Variants in SMG7 observed in about 807,000 individuals in gnomAD.
SMG7 encodes SMG7 nonsense mediated mRNA decay factor, also known as nonsense-mediated mRNA decay factor SMG7.
A neutral mutation model predicts 148.2 loss-of-function variants in SMG7; 34 were observed. The ratio of observed to expected loss-of-function variants is 0.23; its 90% CI spans 0.17 to 0.31. The LOEUF is 0.31. Ranked by LOEUF, SMG7 falls within the 10% of genes least tolerant of loss-of-function variation. The pLI is 1.00. For synonymous variants in SMG7, 492 were observed against 515.1 expected, an observed-to-expected ratio of 0.96 and a Z score of 0.61; for missense variants, 1,114 against 1,408.4, an observed-to-expected ratio of 0.79 and a Z score of 3.35.
chr1:183,488,682 C>CTT (rs55662555), intron 1 of SMG7, among the ~76,000 whole-genome samples: 1,178 of 75,068 alleles, frequency 0.016, 5 homozygotes, highest in Non-Finnish European at 0.019. Context: ...GTTTATAAGG[C>CTT]TTTTTTTTTT....
At chr1:183,522,746 T>C (rs1241904255) in intron 4 of SMG7, among the ~76,000 whole-genome samples, 1 of 151,950 alleles carries the variant, frequency 6.6e-6, no homozygotes, top group South Asian at 2.1e-4. Flanking sequence ...TTATCCACAG[T>C]AACATTTTCT....
intron 1 of SMG7, among the ~76,000 whole-genome samples, chr1:183,494,006 G>A (rs1657745689): frequency 6.6e-6 from 1 of 151,816 alleles, no homozygotes; most frequent in East Asian, 1.9e-4. Flanking sequence ...TTGCTTGTTT[G>A]AAACAGGGTC....
chr1:183,496,543 G>A lies in SMG7; in HGVS notation c.30-16294G>A, dbSNP rs72731465. On this transcript the variant is annotated intron_variant, in intron 1 of 22. Coordinates refer to ENST00000688051, the MANE Select transcript of SMG7 (RefSeq NM_001375584.1). ...AGTGACTTCCACATTACTAAATCCAGTGATTAGTTCTCAGGCCTCATTTTA... is the reference window on the plus strand; with the variant it reads ...AGTGACTTCCACATTACTAAATCCAATGATTAGTTCTCAGGCCTCATTTTA... 5.9e-3 allele frequency among the ~76,000 whole-genome samples: 893 copies of A among 152,208 alleles called. 6 individuals carry two copies. Among genetic ancestry groups the A allele is most frequent in the Middle Eastern group, 0.024 (7 of 294 alleles).
At chr1:183,526,800 G>T in intron 5 of SMG7, 33 bp downstream of exon 5, 1 of 1,562,878 alleles carries the variant, frequency 6.4e-7, no homozygotes, top group Non-Finnish European at 8.7e-7. Context: ...TTGATAATAT[G>T]TTCCTCCTTT....
chr1:183,478,773 A>G (rs1345312545), intron 1 of SMG7, among the ~76,000 whole-genome samples: 1 of 152,174 alleles, frequency 6.6e-6, no homozygotes, highest in Non-Finnish European at 1.5e-5. Flanking sequence ...AGTGTCATGA[A>G]TGAGTGCCTG....
intron 4 of SMG7, among the ~76,000 whole-genome samples, chr1:183,518,413 G>T (rs371645744): frequency 6.6e-6 from 1 of 152,284 alleles, no homozygotes; most frequent in African/African-American, 2.4e-5. Flanking sequence ...GTTACAAGTG[G>T]TATTAGAGGA....
At chr1:183,541,196 T>C in intron 13 of SMG7, 93 bp downstream of exon 13, 2 of 1,124,682 alleles carry the variant, frequency 1.8e-6, no homozygotes, top group South Asian at 1.4e-5. Context: ...ACATCTCATA[T>C]GTTACGTATT....
intron 1 of SMG7, among the ~76,000 whole-genome samples, chr1:183,498,263 G>T (rs1395580547): frequency 6.6e-6 from 1 of 152,130 alleles, no homozygotes; most frequent in Admixed American, 6.5e-5. Context: ...GAGTGCAGTG[G>T]CTCATACCTG....
At position 183,512,703 on chromosome 1, in the gene SMG7, G is replaced by C. The variant is rs1350408406; in HGVS notation, c.30-134G>C. On this transcript the variant is annotated intron_variant, in intron 1 of 22. Transcript: ENST00000688051. ...TTAAAGTAGGGATGCTGTTTGCAGTGCCACAAATATAGCTGCTGTATATCC... is the reference window on the plus strand; with the variant it reads ...TTAAAGTAGGGATGCTGTTTGCAGTCCCACAAATATAGCTGCTGTATATCC... The C allele has an allele frequency of 4.9e-6, 4 of 815,550 alleles. No homozygotes were observed. The African/African-American group carries it at 7.1e-5, about 15-fold the overall frequency. The allele number at this position is 815,550 out of a possible 1,614,324, so 50.5% of individuals were successfully genotyped here. A position where few individuals can be genotyped will look rare whatever the true frequency, so the allele number is the denominator to read the frequency against.
intron 1 of SMG7, among the ~76,000 whole-genome samples, chr1:183,509,131 AT>A (rs929302144): frequency 6.6e-6 from 1 of 152,196 alleles, no homozygotes; most frequent in African/African-American, 2.4e-5. Context: ...CAACATGGAA[AT>A]GAATGTGTGT....
In SMG7 at chr1:183,528,137, T is replaced by C. The variant is rs113765491; in HGVS notation, c.556+110T>C. ...AGTTTTATGAAAGCAATAAATGAGTTTTGTTATTGTCATGTTTTTCCATTT... is the reference window on the plus strand; with the variant it reads ...AGTTTTATGAAAGCAATAAATGAGTCTTGTTATTGTCATGTTTTTCCATTT... On this transcript the variant is annotated intron_variant, in intron 6 of 22. Coordinates refer to ENST00000688051, the MANE Select transcript of SMG7 (RefSeq NM_001375584.1). 1.1e-5 allele frequency: 7 copies of C among 653,286 alleles called. No homozygotes were observed. In the African/African-American group the frequency reaches 1.1e-4, roughly 10 times the overall value. The allele number at this position is 653,286 out of a possible 1,614,324, so 40.5% of individuals were successfully genotyped here.
chr1:183,498,437 G>A (rs12405633), intron 1 of SMG7, among the ~76,000 whole-genome samples: 24,378 of 152,042 alleles, frequency 0.16, 2,256 homozygotes, highest in African/African-American at 0.27. Context: ...GCTAAAGAAG[G>A]AGCCTAGGAG....
chr1:183,477,647 C>T (rs1162575160), intron 1 of SMG7, among the ~76,000 whole-genome samples: 40 of 60,144 alleles, frequency 6.7e-4, no homozygotes, highest in Middle Eastern at 0.016. Flanking sequence ...TGCATATATA[C>T]GTGTGTGCAT....
Position 183,549,803 on chromosome 1 carries a change from G to A in SMG7, c.3013G>A (p.Gly1005Arg). 6.2e-7 allele frequency: 1 copy of A among 1,613,758 alleles called. No homozygotes were observed. Among genetic ancestry groups the A allele is most frequent in the Admixed American group, 1.7e-5 (1 of 60,012 alleles). The change falls in exon 20 of 23, where the codon GGG becomes AGG. Residue 1005 changes from glycine to arginine, a missense_variant. Gly to Arg is a moderately radical substitution (Grantham distance 125). Transcript: ENST00000688051. Reference sequence around the variant, plus strand: ...TAATAGTATGTTCAATGAGGTATATGGGAAAAACCTGACATCCAGCTCCAA... The same window carrying A: ...TAATAGTATGTTCAATGAGGTATATAGGAAAAACCTGACATCCAGCTCCAA... ...PNNSMFNEVY[G>R]KNLTSSSKAE...
At chr1:183,475,864 T>C (rs1432767775) in intron 1 of SMG7, among the ~76,000 whole-genome samples, 1 of 151,616 alleles carries the variant, frequency 6.6e-6, no homozygotes, top group Non-Finnish European at 1.5e-5. Context: ...TGAACTTAGT[T>C]CTTTGAAGAA....
In SMG7 at chr1:183,537,126, CTCTT is replaced by C. The variant is rs1025183112; in HGVS notation, c.1164-13_1164-10del. On this transcript the variant is annotated splice_polypyrimidine_tract_variant and intron_variant, in intron 10 of 22. Transcript: ENST00000688051. ...CTCTTACATAAAAATAAAGTCTGAA[CTCTT>C]TCTTTAATTTACAGCATTTGGCCCT... is the stretch of plus-strand genomic sequence containing the variant. 4.4e-6 allele frequency: 7 copies of C among 1,588,938 alleles called. No homozygotes were observed. Among genetic ancestry groups the C allele is most frequent in the Non-Finnish European group, 6.0e-6 (7 of 1,157,414 alleles).
chr1:183,520,728 T>C (rs879853319), intron 4 of SMG7, among the ~76,000 whole-genome samples: 3 of 152,230 alleles, frequency 2.0e-5, no homozygotes, highest in Non-Finnish European at 4.4e-5. Flanking sequence ...ACATGTGATA[T>C]ATTCCCAAGG....
At chr1:183,480,255 C>T (rs1285665832) in intron 1 of SMG7, among the ~76,000 whole-genome samples, 1 of 152,096 alleles carries the variant, frequency 6.6e-6, no homozygotes, top group Non-Finnish European at 1.5e-5. Context: ...TCTCAATTTT[C>T]CTTTAAAAGG....
chr1:183,542,830 A>G (rs574511638), intron 14 of SMG7, among the ~76,000 whole-genome samples: 146 of 152,060 alleles, frequency 9.6e-4, no homozygotes, highest in African/African-American at 3.4e-3. Context: ...TGTCAATGCT[A>G]TAGTGGAGAT....
Sources: allele counts gnomAD v4.1 joint callset (sites outside exome capture counted in the v4.1 genomes callset), GRCh38; gene constraint gnomAD v4.1.1; transcripts MANE v1.5; gene names NCBI Gene and HGNC (gene_info 2026-07-23, HGNC 2026-07-21).